SLAIN1: variants seen among roughly 807,000 people sequenced by gnomAD.
SLAIN1 encodes SLAIN family member 1.
In SLAIN1, 17 loss-of-function variants were observed where a neutral mutation model predicts 55.4. The observed-to-expected ratio is 0.31, with a 90% CI of 0.21 to 0.46. SLAIN1 has a LOEUF of 0.46. Ranked by LOEUF, SLAIN1 falls within the 20% of genes least tolerant of loss-of-function variation. The pLI, the probability that SLAIN1 is intolerant of heterozygous loss-of-function variation, is 1.00. For missense variants in SLAIN1, 682 were observed against 785.1 expected, an observed-to-expected ratio of 0.87 and a Z score of 1.57; for synonymous variants, 348 against 337.4, an observed-to-expected ratio of 1.03 and a Z score of -0.35.
chr13:77,735,696 C>T (rs1873083762), intron 2 of SLAIN1, among the ~76,000 whole-genome samples: 1 of 152,110 alleles, frequency 6.6e-6, no homozygotes. Context: ...TAGCTGCTTT[C>T]ATACCATAAT....
chr13:77,745,754 T>A (rs1390241443), intron 3 of SLAIN1, among the ~76,000 whole-genome samples: 1 of 152,168 alleles, frequency 6.6e-6, no homozygotes, highest in Admixed American at 6.6e-5. Flanking sequence ...GTGGTTATTT[T>A]ATATAATTAT....
At position 77,746,676 on chromosome 13, in the gene SLAIN1, G is replaced by A. The variant is rs146505944; in HGVS notation, c.1079G>A (p.Arg360His). Residue 360 changes from arginine (R) to histidine (H), a missense_variant, in exon 4 of 7, where the codon CGT becomes CAT. Physicochemically the swap from Arg to His is conservative, Grantham distance 29. Coordinates refer to ENST00000418532, the MANE Select transcript of SLAIN1 (RefSeq NM_001242868.2). ...EFDHLPPPQP[R>H]LPRCSPFQRG... ...GATCATTTGCCACCACCTCAGCCTCGTCTTCCAAGATGTTCCCCTTTCCAA... is the reference window on the plus strand; with the variant it reads ...GATCATTTGCCACCACCTCAGCCTCATCTTCCAAGATGTTCCCCTTTCCAA... 60 of 1,613,708 alleles carry A rather than the reference G, an allele frequency of 3.7e-5. No individual in the cohort carries two copies. Among genetic ancestry groups the A allele is most frequent in the Middle Eastern group, 1.7e-4 (1 of 6,060 alleles).
chr13:77,748,398 C>CT (rs934265928), intron 4 of SLAIN1, among the ~76,000 whole-genome samples: 3,189 of 79,498 alleles, frequency 0.04, 153 homozygotes, highest in African/African-American at 0.079. Flanking sequence ...TTCTCTAAAG[C>CT]TTTTTTTTTT....
At chr13:77,740,661 G>T (rs916478876) in intron 2 of SLAIN1, among the ~76,000 whole-genome samples, 1 of 150,852 alleles carries the variant, frequency 6.6e-6, no homozygotes, top group African/African-American at 2.4e-5. Context: ...GAGCTATTTC[G>T]GTCATCACTG....
intron 2 of SLAIN1, among the ~76,000 whole-genome samples, chr13:77,731,767 A>G (rs985407876): frequency 1.1e-4 from 16 of 152,272 alleles, no homozygotes; most frequent in Admixed American, 3.3e-4. Context: ...TCAAATCTGG[A>G]GATGGATACG....
chr13:77,744,232 A>G (rs750321099), intron 2 of SLAIN1, 51 bp from the exon 3 acceptor site: 6 of 1,275,484 alleles, frequency 4.7e-6, no homozygotes, highest in Middle Eastern at 1.9e-4. Context: ...TGAAGCATGT[A>G]TAGATATCAG....
rs1432768297 is a variant in SLAIN1 at position 77,746,791 on chromosome 13, G to A, written c.1194G>A (p.Gln398=). 1.2e-6 allele frequency: 2 copies of A among 1,613,800 alleles called. No homozygotes were observed. Among genetic ancestry groups the A allele is most frequent in the Non-Finnish European group, 8.5e-7 (1 of 1,179,822 alleles). Residue 398 remains glutamine (Q), a synonymous_variant, in exon 4 of 7, where the codon CAG becomes CAA. Transcript: ENST00000418532. ...AGTATTTTCCTTCAAATAATTACCA[G>A]CAGCAACAGTATTATTCACCTCAAG... ...SSQYFPSNNY[Q]QQQYYSPQAQ...
At chr13:77,755,279 A>C (rs1874516769) in intron 5 of SLAIN1, among the ~76,000 whole-genome samples, 1 of 151,978 alleles carries the variant, frequency 6.6e-6, no homozygotes, top group Non-Finnish European at 1.5e-5. Flanking sequence ...AGATTGCACC[A>C]CTGCACTCCA....
At position 77,760,941 on chromosome 13, in the gene SLAIN1, A is replaced by G; in HGVS notation, c.1528A>G (p.Ser510Gly). 1 of 1,614,208 alleles carries G rather than the reference A, an allele frequency of 6.2e-7. No individual in the cohort carries two copies. Among genetic ancestry groups the G allele is most frequent in the Non-Finnish European group, 8.5e-7 (1 of 1,180,026 alleles). The stretch of plus-strand genomic sequence containing the variant: ...TGTGAGTCCAACCGTTCAAGGCAGC[A>G]GTAACATGCCTTTATCAAACGGCTT... ...AYVSPTVQGS[S>G]NMPLSNGLQL... Residue 510 changes from serine to glycine, a missense_variant, in exon 6 of 7, where the codon AGT becomes GGT. Transcript: ENST00000418532.
chr13:77,734,938 T>C (rs994674453), intron 2 of SLAIN1, among the ~76,000 whole-genome samples: 3 of 152,074 alleles, frequency 2.0e-5, no homozygotes, highest in African/African-American at 7.2e-5. Context: ...GAGAATTGCT[T>C]GAACCTGGGA....
chr13:77,699,044 C>T, intron 1 of SLAIN1: 1 of 1,535,422 alleles, frequency 6.5e-7, no homozygotes, highest in Non-Finnish European at 8.7e-7. Flanking sequence ...TGATGGATCT[C>T]TCTTTATAGA....
intron 5 of SLAIN1, among the ~76,000 whole-genome samples, chr13:77,758,867 C>T (rs1296708768): frequency 6.6e-6 from 1 of 152,100 alleles, no homozygotes; most frequent in African/African-American, 2.4e-5. Context: ...TGTGGTACCT[C>T]TAGACTTGTT....
At chr13:77,725,087 G>A (rs1358016471) in intron 2 of SLAIN1, among the ~76,000 whole-genome samples, 5 of 152,156 alleles carry the variant, frequency 3.3e-5, no homozygotes, top group Non-Finnish European at 7.3e-5. Context: ...TGAGCCCAAT[G>A]TAACTATTAC....
Position 77,761,092 on chromosome 13 carries a change from T to C in SLAIN1, c.1679T>C (p.Ile560Thr). The C allele has an allele frequency of 6.2e-7, 1 of 1,614,072 alleles. No homozygotes were observed. The highest frequency in any genetic ancestry group is 8.5e-7 in the Non-Finnish European group (1 of 1,179,978). Reference protein sequence around the residue: ...INGSNLPRSKIAQPVRSFLQP... With the variant: ...INGSNLPRSKTAQPVRSFLQP... ...GGGAGTAACCTGCCTCGAAGCAAAATTGCACAACCTGTTAGAAGGTAAGAA... is the reference window on the plus strand; with the variant it reads ...GGGAGTAACCTGCCTCGAAGCAAAACTGCACAACCTGTTAGAAGGTAAGAA... Residue 560 changes from isoleucine (I) to threonine (T), a missense_variant, in exon 6 of 7, where the codon ATT becomes ACT. Physicochemically the swap from Ile to Thr is moderately conservative, Grantham distance 89. This residue lies in a region of SLAIN1 where 244 missense variants were observed against 295.2 expected (regional missense o/e 0.83). Transcript: ENST00000418532.
chr13:77,733,363 T>TTGGGTATTG (rs1392718854), intron 2 of SLAIN1, among the ~76,000 whole-genome samples: 6 of 152,274 alleles, frequency 3.9e-5, no homozygotes, highest in Admixed American at 1.3e-4. Flanking sequence ...TTCTTAAAGA[T>TTGGGTATTG]GGTATATAAA....
At chr13:77,731,040 C>T (rs1384847550) in intron 2 of SLAIN1, among the ~76,000 whole-genome samples, 1 of 151,998 alleles carries the variant, frequency 6.6e-6, no homozygotes, top group African/African-American at 2.4e-5. Flanking sequence ...AAGACAGACC[C>T]AGAACCTCTC....
chr13:77,698,733 G>A lies in SLAIN1; in HGVS notation c.626+194G>A. ...CACGATGAGGCTTCTCATGAAGGCA[G>A]AAACCTGTTTTCTAATCGCTCCGAC... On this transcript the variant is annotated intron_variant, in intron 1 of 6. Transcript: ENST00000418532. The surrounding 1 kb of genome is among the most constrained non-coding windows in gnomAD (Gnocchi z 4.1). 9.1e-7 allele frequency: 1 copy of A among 1,102,718 alleles called. No homozygotes were observed. The highest frequency in any genetic ancestry group is 1.2e-6 in the Non-Finnish European group (1 of 815,960). 68.3% of individuals were successfully genotyped at this position (1,102,718 alleles called of 1,614,324 possible).
chr13:77,723,162 T>C (rs1347322160), intron 2 of SLAIN1, among the ~76,000 whole-genome samples: 3 of 152,318 alleles, frequency 2.0e-5, no homozygotes, highest in African/African-American at 7.2e-5. Flanking sequence ...CCAAACTCTC[T>C]TGATGAACCA....
intron 2 of SLAIN1, among the ~76,000 whole-genome samples, chr13:77,726,382 C>T (rs1394983117): frequency 2.6e-5 from 4 of 152,060 alleles, no homozygotes. Context: ...TAATATGTAT[C>T]TAATACCCCT....
Sources: gnomAD v4.1 joint callset for allele counts (sites outside exome capture counted in the v4.1 genomes callset) on GRCh38, gnomAD v4.1.1 for gene constraint, gnomAD v4.1.1 regional missense constraint, Gnocchi (gnomAD v3.1) non-coding constraint, MANE v1.5 for transcripts, NCBI Gene and HGNC (gene_info 2026-07-23, HGNC 2026-07-21) for gene names.